The following SNTG2 variants were observed in gnomAD, a reference collection of about 807,000 sequenced individuals.
SNTG2 encodes the protein syntrophin gamma 2.
SNTG2 carries 74 observed loss-of-function variants against 70.9 expected under a neutral mutation model. The ratio of observed to expected loss-of-function variants is 1.04; its 90% CI spans 0.86 to 1.27. The LOEUF (loss-of-function observed/expected upper bound fraction) is 1.27, where lower values mean the gene tolerates loss of function less well. SNTG2 is among the 50% of genes most tolerant of loss of function. The pLI is 0.00. For synonymous variants in SNTG2, 278 were observed against 273.8 expected, an observed-to-expected ratio of 1.02 and a Z score of -0.15; for missense variants, 717 against 690.7, an observed-to-expected ratio of 1.04 and a Z score of -0.43.
intron 16 of SNTG2, among the ~76,000 whole-genome samples, chr2:1,323,236 C>G (rs2148273893): frequency 6.6e-6 from 1 of 152,302 alleles, no homozygotes; most frequent in African/African-American, 2.4e-5. Context: ...ACTTGGATTT[C>G]CAAGGACAGC....
chr2:1,091,522 G>T lies in SNTG2; in HGVS notation c.211-6674G>T, dbSNP rs367917224. Among the ~76,000 whole-genome samples, 393 of 152,328 alleles carry T rather than the reference G, an allele frequency of 2.6e-3. 1 individual carries two copies. The highest frequency in any genetic ancestry group is 8.8e-3 in the African/African-American group (367 of 41,582). On this transcript the variant is annotated intron_variant, in intron 2 of 16. Transcript: ENST00000308624. ...TAAGGTCATGGCGGCCGGGGGCCTG[G>T]TTCCTGACTGCAGCTCCCAGAGACC...
intron 16 of SNTG2, among the ~76,000 whole-genome samples, chr2:1,331,502 C>T (rs1038542842): frequency 1.3e-5 from 2 of 152,152 alleles, no homozygotes; most frequent in African/African-American, 2.4e-5. Flanking sequence ...ACCAGGATCC[C>T]TTGACTTTAT....
At chr2:1,144,676 A>G (rs762583477) in intron 6 of SNTG2, among the ~76,000 whole-genome samples, 2 of 152,194 alleles carry the variant, frequency 1.3e-5, no homozygotes, top group African/African-American at 2.4e-5. Context: ...AGAAACAAGC[A>G]AAAGGGGTTT....
intron 1 of SNTG2, among the ~76,000 whole-genome samples, chr2:1,011,474 C>A (rs1223307252): frequency 1.3e-5 from 2 of 152,142 alleles, no homozygotes; most frequent in African/African-American, 2.4e-5. Flanking sequence ...CAGAAACAAT[C>A]TTTGATGAAT....
intron 16 of SNTG2, among the ~76,000 whole-genome samples, chr2:1,356,722 G>C (rs1356459686): frequency 1.3e-5 from 2 of 152,158 alleles, no homozygotes; most frequent in Non-Finnish European, 2.9e-5. Context: ...TTGAGATTTT[G>C]ATGGATGTTG....
rs185347918 is a variant in SNTG2, at chr2:1,286,093, C to T, written c.1284+18522C>T. Among the ~76,000 whole-genome samples, 250 of 152,340 alleles carry T rather than the reference C, an allele frequency of 1.6e-3. 1 individual carries two copies. The highest frequency in any genetic ancestry group is 3.2e-3 in the Non-Finnish European group (219 of 68,032). On this transcript the variant is annotated intron_variant, in intron 14 of 16. Coordinates refer to ENST00000308624, the MANE Select transcript of SNTG2 (RefSeq NM_018968.4). ...CAAAGTGTCCAGGTGGCAATCTTAA[C>T]TTCCAGTTTAATGGAATTGTCCTTG...
intron 1 of SNTG2, among the ~76,000 whole-genome samples, chr2:1,042,006 C>A (rs1661467152): frequency 6.6e-6 from 1 of 152,154 alleles, no homozygotes; most frequent in African/African-American, 2.4e-5. Flanking sequence ...TTCTAAGATG[C>A]CATTAACATT....
chr2:1,071,693 C>T (rs548191685), intron 1 of SNTG2, among the ~76,000 whole-genome samples: 96 of 151,614 alleles, frequency 6.3e-4, no homozygotes, highest in African/African-American at 2.1e-3. Flanking sequence ...GTGAGGGTGT[C>T]GTGTTGAATG....
At chr2:1,105,566 A>G (rs1666063831) in intron 4 of SNTG2, among the ~76,000 whole-genome samples, 1 of 152,132 alleles carries the variant, frequency 6.6e-6, no homozygotes, top group Non-Finnish European at 1.5e-5. Flanking sequence ...AATACCTAAA[A>G]TCACCATGGG....
chr2:1,329,077 A>T (rs989502048), intron 16 of SNTG2, among the ~76,000 whole-genome samples: 1 of 152,192 alleles, frequency 6.6e-6, no homozygotes, highest in Non-Finnish European at 1.5e-5. Context: ...ATTAGCAAAC[A>T]TTCCTGGTTT....
intron 16 of SNTG2, among the ~76,000 whole-genome samples, chr2:1,354,257 G>C (rs9750370): frequency 0.69 from 85,115 of 123,180 alleles, 30,399 homozygotes; most frequent in East Asian, 0.93. Flanking sequence ...CAGGGACTGG[G>C]TGTTCCGTGG....
At chr2:954,626 G>A (rs753706004) in intron 1 of SNTG2, among the ~76,000 whole-genome samples, 1 of 152,154 alleles carries the variant, frequency 6.6e-6, no homozygotes, top group Non-Finnish European at 1.5e-5. Context: ...AGGAAGCCGA[G>A]GTTATCCTTC....
chr2:1,300,476 C>T (rs1680412779), intron 14 of SNTG2, among the ~76,000 whole-genome samples: 2 of 152,178 alleles, frequency 1.3e-5, no homozygotes, highest in Non-Finnish European at 2.9e-5. Context: ...TCCCCCTGGA[C>T]ACAAGCTGCG....
intron 8 of SNTG2, among the ~76,000 whole-genome samples, chr2:1,193,404 C>T (rs1672720209): frequency 6.6e-6 from 1 of 152,218 alleles, no homozygotes; most frequent in Non-Finnish European, 1.5e-5. Context: ...CAGGCTTCAT[C>T]ACTGATACCC....
At chr2:1,149,475 ATT>A (rs1669320643) in intron 6 of SNTG2, among the ~76,000 whole-genome samples, 1 of 152,132 alleles carries the variant, frequency 6.6e-6, no homozygotes, top group South Asian at 2.1e-4. Flanking sequence ...TTTGCCGCTT[ATT>A]TTCGTCCATG....
chr2:1,222,065 T>TCTC, intron 9 of SNTG2, among the ~76,000 whole-genome samples: 11 of 1,820 alleles, frequency 6.0e-3, no homozygotes, highest in African/African-American at 0.016. Flanking sequence ...CTGTCTCTGT[T>TCTC]TCTCTCTGTC....
chr2:1,353,186 A>T lies in SNTG2; in HGVS notation c.1489-14157A>T, dbSNP rs1055205566. ...CCTCAGCAGTGAGCAAAGGCTGCAC[A>T]TCAGGCCCCCTCCATCCCCAGGACA... On this transcript the variant is annotated intron_variant, in intron 16 of 16. Transcript: ENST00000308624. The surrounding 1 kb of genome is among the most constrained non-coding windows in gnomAD (Gnocchi z 4.2). Among the ~76,000 whole-genome samples, 1 of 152,132 alleles carries T rather than the reference A, an allele frequency of 6.6e-6. No homozygotes were observed. The highest frequency in any genetic ancestry group is 1.5e-5 in the Non-Finnish European group (1 of 68,018).
At chr2:1,117,546 T>C (rs1415798719) in intron 4 of SNTG2, among the ~76,000 whole-genome samples, 2 of 152,130 alleles carry the variant, frequency 1.3e-5, no homozygotes, top group African/African-American at 4.8e-5. Flanking sequence ...CACGGAGTCC[T>C]GTGTGTGGCT....
Position 1,031,526 on chromosome 2 carries a change from ATATTTT to A in SNTG2, c.73-51990_73-51985del, listed in dbSNP as rs1245762231. ...TTCATTGTTATATATATATATATAT[ATATTTT>A]TTTTTTTTTTTTTTTTGAGGCGAAA... is the stretch of plus-strand genomic sequence containing the variant. On this transcript the variant is annotated intron_variant, in intron 1 of 16. Transcript: ENST00000308624. Among the ~76,000 whole-genome samples the A allele has an allele frequency of 1.6e-3, 89 of 54,148 alleles. 2 individuals carry two copies. Among genetic ancestry groups the A allele is most frequent in the Admixed American group, 4.5e-3 (20 of 4,402 alleles). The allele number at this position is 54,148 out of a possible 152,430, so 35.5% of individuals were successfully genotyped here.
Sources: gnomAD v4.1 joint callset for allele counts (sites outside exome capture counted in the v4.1 genomes callset) on GRCh38, gnomAD v4.1.1 for gene constraint, Gnocchi (gnomAD v3.1) non-coding constraint, MANE v1.5 for transcripts, NCBI Gene and HGNC (gene_info 2026-07-23, HGNC 2026-07-21) for gene names.